Variants in MMS22L observed in about 807,000 individuals in gnomAD.
MMS22L encodes protein MMS22-like.
Under a neutral mutation model 159.1 loss-of-function variants are expected in MMS22L, and 74 were observed. The ratio of observed to expected loss-of-function variants is 0.47; its 90% CI spans 0.39 to 0.56. The LOEUF is 0.56. Among genes scored for constraint, MMS22L ranks in the 20% least tolerant of loss-of-function variants. The pLI is 0.00. For synonymous variants in MMS22L, 517 were observed against 506.9 expected, an observed-to-expected ratio of 1.02 and a Z score of -0.27; for missense variants, 1,351 against 1,422.1, an observed-to-expected ratio of 0.95 and a Z score of 0.80.
At chr6:97,264,421 A>G (rs1439327826) in intron 8 of MMS22L, 1 of 152,136 alleles carries the variant, frequency 6.6e-6, no homozygotes, top group Non-Finnish European at 1.5e-5. Context: ...AATGTACACT[A>G]TATTTGCAAA....
intron 22 of MMS22L, among the ~76,000 whole-genome samples, chr6:97,155,244 T>C (rs1255328056): frequency 6.6e-6 from 1 of 152,190 alleles, no homozygotes; most frequent in African/African-American, 2.4e-5. Flanking sequence ...GACTCGTGTT[T>C]GTTTCTTTAA....
rs758229805 is a variant in MMS22L at position 97,231,414 on chromosome 6, T to C, written c.1529+12A>G. 6.4e-5 allele frequency: 101 copies of C among 1,577,820 alleles called. No individual in the cohort carries two copies. The Middle Eastern group carries it at 3.8e-3, about 60-fold the overall frequency. On this transcript the variant is annotated intron_variant, in intron 13 of 24. Transcript: ENST00000683635. Reference sequence around the variant, plus strand: ...ATCAGTGCACACTCATGACAGAAGATACTGCATATACCTTCCTTTGACTTG... The same window carrying C: ...ATCAGTGCACACTCATGACAGAAGACACTGCATATACCTTCCTTTGACTTG...
rs771800794 is a variant in MMS22L at position 97,229,343 on chromosome 6, G to C, written c.1590C>G (p.Asn530Lys). 1.8e-5 allele frequency: 29 copies of C among 1,611,110 alleles called. No individual in the cohort carries two copies. Among genetic ancestry groups the C allele is most frequent in the Non-Finnish European group, 2.0e-5 (24 of 1,178,722 alleles). The change falls in exon 14 of 25, where the codon AAC becomes AAG. Residue 530 changes from asparagine to lysine, a missense_variant. Transcript: ENST00000683635. ...CTAACAGTAGAAAAAGGCTAAAAAA[G>C]TTCTGTAGACCAACTTCAGTTAGTT... ...MEELTEVGLQ[N>K]FFSLFLLLAA...
chr6:97,170,156 G>A (rs1227737215), intron 19 of MMS22L, among the ~76,000 whole-genome samples: 1 of 152,058 alleles, frequency 6.6e-6, no homozygotes, highest in Non-Finnish European at 1.5e-5. Context: ...ACATAGGATT[G>A]GTACTATCTG....
intron 19 of MMS22L, among the ~76,000 whole-genome samples, chr6:97,172,473 C>G (rs1443469669): frequency 6.6e-6 from 1 of 151,840 alleles, no homozygotes; most frequent in African/African-American, 2.4e-5. Flanking sequence ...TTATCCAATT[C>G]CTAGTTTTGG....
chr6:97,239,842 G>C (rs1029804928), intron 11 of MMS22L, among the ~76,000 whole-genome samples: 2 of 152,116 alleles, frequency 1.3e-5, no homozygotes, highest in Non-Finnish European at 2.9e-5. Flanking sequence ...GGAGTTCAAG[G>C]TTATAGTGAG....
At chr6:97,268,309 C>T (rs777707363) in intron 7 of MMS22L, among the ~76,000 whole-genome samples, 1 of 151,834 alleles carries the variant, frequency 6.6e-6, no homozygotes, top group Non-Finnish European at 1.5e-5. Flanking sequence ...CTCAGCCTCC[C>T]AAGTAGCTGG....
At position 97,165,262 on chromosome 6, in the gene MMS22L, T is replaced by C. The variant is rs767387123; in HGVS notation, c.3205A>G (p.Ile1069Val). Residue 1069 changes from isoleucine (I) to valine (V), a missense_variant, in exon 21 of 25, where the codon ATT becomes GTT. Physicochemically the swap from Ile to Val is conservative, Grantham distance 29 (BLOSUM62 3). Coordinates refer to ENST00000683635, the MANE Select transcript of MMS22L (RefSeq NM_001350599.2). ...IPPISSLKKCIVQVIRKSYLE... is the reference protein window; with the variant it reads ...IPPISSLKKCVVQVIRKSYLE... ...TAGATGTACCTTATGACTTGCACAA[T>C]GCATTTCTTTAGAGATGATATTGGT... The C allele has an allele frequency of 5.0e-6, 8 of 1,612,538 alleles. No homozygotes were observed. Among genetic ancestry groups the C allele is most frequent in the Non-Finnish European group, 2.5e-6 (3 of 1,179,042 alleles).
At chr6:97,155,083 T>A (rs1468327606) in intron 22 of MMS22L, among the ~76,000 whole-genome samples, 1 of 152,206 alleles carries the variant, frequency 6.6e-6, no homozygotes, top group African/African-American at 2.4e-5. Context: ...CTATAGTGTT[T>A]CCTGTAAATA....
In MMS22L at chr6:97,245,850, G is replaced by GACACACACAC. The variant is rs56380746; in HGVS notation, c.1182+768_1182+777dup. The GACACACACAC allele has an allele frequency of 7.8e-3, 903 of 116,396 alleles. 10 individuals carry two copies. Among genetic ancestry groups the GACACACACAC allele is most frequent in the East Asian group, 0.018 (84 of 4,726 alleles). 7.2% of individuals were successfully genotyped at this position (116,396 alleles called of 1,614,324 possible). A position where few individuals can be genotyped will look rare whatever the true frequency, so the allele number is the denominator to read the frequency against. ...TTTTTCCAAAGACATAGCTACTACA[G>GACACACACAC]ACACACACACACACACACACACACA... On this transcript the variant is annotated intron_variant, in intron 11 of 24. Coordinates refer to ENST00000683635, the MANE Select transcript of MMS22L (RefSeq NM_001350599.2).
At chr6:97,194,178 C>T (rs1397612519) in intron 14 of MMS22L, among the ~76,000 whole-genome samples, 1 of 152,146 alleles carries the variant, frequency 6.6e-6, no homozygotes, top group African/African-American at 2.4e-5. Flanking sequence ...CTGCCTCAGC[C>T]TCCCGAGTAG....
chr6:97,229,607 C>A (rs1049606354), intron 13 of MMS22L, among the ~76,000 whole-genome samples: 1 of 152,118 alleles, frequency 6.6e-6, no homozygotes, highest in Non-Finnish European at 1.5e-5. Flanking sequence ...CAGCAAATCA[C>A]CTGTAAGTGA....
intron 14 of MMS22L, among the ~76,000 whole-genome samples, chr6:97,194,077 G>T (rs533827487): frequency 7.6e-5 from 11 of 144,480 alleles, no homozygotes; most frequent in African/African-American, 2.8e-4. Flanking sequence ...GTTTATTTTT[G>T]AGACAGAGTC....
At chr6:97,207,695 C>G (rs917269576) in intron 14 of MMS22L, among the ~76,000 whole-genome samples, 2 of 152,116 alleles carry the variant, frequency 1.3e-5, no homozygotes, top group Non-Finnish European at 2.9e-5. Context: ...AAAAATAAGA[C>G]CTTCTCTTAA....
Position 97,254,633 on chromosome 6 carries a change from A to AATGG in MMS22L, c.1039_1042dup (p.Leu348SerfsTer5). ...AGTAATAATCCACCAACTAAAACCT[A>AATGG]ATGGATCCCTGGACTGGATTACAGG... On this transcript the variant is annotated frameshift_variant, in exon 10 of 25. Coordinates refer to ENST00000683635, the MANE Select transcript of MMS22L (RefSeq NM_001350599.2). LOFTEE classifies it high-confidence loss of function. 6.2e-7 allele frequency: 1 copy of AATGG among 1,613,608 alleles called. No homozygotes were observed. Among genetic ancestry groups the AATGG allele is most frequent in the Non-Finnish European group, 8.5e-7 (1 of 1,179,730 alleles).
intron 14 of MMS22L, among the ~76,000 whole-genome samples, chr6:97,199,568 T>A (rs565948202): frequency 6.6e-6 from 1 of 152,204 alleles, no homozygotes; most frequent in Non-Finnish European, 1.5e-5. Context: ...TAAAACCTCT[T>A]AAGCATTCTG....
chr6:97,237,200 A>C (rs1811513242), intron 11 of MMS22L, among the ~76,000 whole-genome samples: 1 of 152,184 alleles, frequency 6.6e-6, no homozygotes, highest in Admixed American at 6.5e-5. Flanking sequence ...AAATCTAATA[A>C]GAAGTGAGGC....
rs373483639 is a variant in MMS22L at position 97,149,920 on chromosome 6, A to T, written c.3583T>A (p.Ser1195Thr). The T allele has an allele frequency of 6.9e-5, 112 of 1,613,626 alleles. No individual in the cohort carries two copies. The highest frequency in any genetic ancestry group is 1.6e-4 in the Middle Eastern group (1 of 6,078). ...LDQQVVIHLI[S>T]TLTQSLKDSE... ...TCCTTCAGAGACTGAGTAAGGGTAG[A>T]AATCAAGTGGATGACAACCTGCTGG... Residue 1195 changes from serine to threonine, a missense_variant, in exon 24 of 25, where the codon TCT (serine) becomes ACT (threonine). Physicochemically the swap from Ser to Thr is moderately conservative, Grantham distance 58. Coordinates refer to ENST00000683635, the MANE Select transcript of MMS22L (RefSeq NM_001350599.2).
At chr6:97,199,828 C>T (rs1407738041) in intron 14 of MMS22L, among the ~76,000 whole-genome samples, 1 of 151,978 alleles carries the variant, frequency 6.6e-6, no homozygotes, top group Non-Finnish European at 1.5e-5. Context: ...GTCTAGTCAC[C>T]ATTGTAATAT....
Sources: allele counts gnomAD v4.1 joint callset (sites outside exome capture counted in the v4.1 genomes callset), GRCh38; gene constraint gnomAD v4.1.1; transcripts MANE v1.5; gene names NCBI Gene and HGNC (gene_info 2026-07-23, HGNC 2026-07-21).